ALK: variants seen among roughly 807,000 people sequenced by gnomAD.
ALK encodes ALK tyrosine kinase receptor.
Under a neutral mutation model 163.1 loss-of-function variants are expected in ALK, and 74 were observed. The observed-to-expected ratio is 0.45, with a 90% CI of 0.38 to 0.55. ALK has a LOEUF of 0.55. Ranked by LOEUF, ALK falls within the 20% of genes least tolerant of loss-of-function variation. The probability of loss-of-function intolerance (pLI) is 0.00; values close to 1 mark genes in which losing one functional copy is unlikely to be tolerated. For synonymous variants in ALK, 960 were observed against 843.2 expected (o/e 1.14, Z -2.40); for missense variants, 2,063 against 2,105.3 (o/e 0.98, Z 0.39).
chr2:29,884,462 G>GT (rs1666940977), intron 1 of ALK, among the ~76,000 whole-genome samples: 1 of 151,774 alleles, frequency 6.6e-6, no homozygotes, highest in African/African-American at 2.4e-5. Flanking sequence ...AAAGACCATT[G>GT]TAAAAAAAAA....
intron 3 of ALK, among the ~76,000 whole-genome samples, chr2:29,605,096 CCCTA>C (rs1196401150): frequency 1.3e-5 from 2 of 152,140 alleles, no homozygotes; most frequent in African/African-American, 4.8e-5. Context: ...GTCAGTAGTC[CCCTA>C]CCTTTTTGGC....
chr2:29,224,524 C>G (rs1460865522), intron 19 of ALK: 1 of 229,414 alleles, frequency 4.4e-6, no homozygotes, highest in African/African-American at 2.2e-5. Context: ...GGAAGGCAAA[C>G]TCCATGGAAG....
At chr2:29,725,242 T>C (rs537120065) in intron 1 of ALK, among the ~76,000 whole-genome samples, 1 of 151,354 alleles carries the variant, frequency 6.6e-6, no homozygotes, top group Non-Finnish European at 1.5e-5. Flanking sequence ...CTCTGGCCAC[T>C]GTTTGCCTTT....
intron 3 of ALK, among the ~76,000 whole-genome samples, chr2:29,667,115 C>T (rs557082752): frequency 6.6e-6 from 1 of 152,104 alleles, no homozygotes; most frequent in Non-Finnish European, 1.5e-5. Flanking sequence ...CATATTTTGA[C>T]TATTGTGAAT....
intron 1 of ALK, among the ~76,000 whole-genome samples, chr2:29,804,052 G>T (rs942632982): frequency 5.3e-5 from 8 of 152,322 alleles, no homozygotes; most frequent in Admixed American, 1.3e-4. Context: ...AGACAATTAG[G>T]CAATACTCAG....
chr2:29,507,972 T>G (rs910663102), intron 4 of ALK, among the ~76,000 whole-genome samples: 1 of 152,170 alleles, frequency 6.6e-6, no homozygotes, highest in African/African-American at 2.4e-5. Context: ...ACTGTATGTT[T>G]TATTGGACAT....
At chr2:29,820,127 A>G (rs556216111) in intron 1 of ALK, among the ~76,000 whole-genome samples, 1 of 152,312 alleles carries the variant, frequency 6.6e-6, no homozygotes, top group African/African-American at 2.4e-5. Flanking sequence ...TGAATAGAAT[A>G]TGGTGTCAGT....
Position 29,468,791 on chromosome 2 carries a change from C to T in ALK, c.1154+63124G>A, listed in dbSNP as rs140921637. Among the ~76,000 whole-genome samples, 8 of 131,958 alleles carry T rather than the reference C, an allele frequency of 6.1e-5. No homozygotes were observed. The East Asian group carries it at 2.0e-3, about 33-fold the overall frequency. 86.6% of individuals were successfully genotyped at this position (131,958 alleles called of 152,430 possible). A position where few individuals can be genotyped will look rare whatever the true frequency, so the allele number is the denominator to read the frequency against. ...CTGGCTTGAGCCTGGGAGGTTGAGG[C>T]TGCAGTAAGCTATGATCACACCACT... On this transcript the variant is annotated intron_variant, in intron 4 of 28. Coordinates refer to ENST00000389048, the MANE Select transcript of ALK (RefSeq NM_004304.5).
At chr2:29,601,513 G>A (rs953004056) in intron 3 of ALK, among the ~76,000 whole-genome samples, 1 of 152,006 alleles carries the variant, frequency 6.6e-6, no homozygotes, top group Non-Finnish European at 1.5e-5. Context: ...ACTGTGGCCT[G>A]GATACTAACG....
chr2:29,577,618 C>T (rs978003090), intron 3 of ALK, among the ~76,000 whole-genome samples: 1 of 150,074 alleles, frequency 6.7e-6, no homozygotes, highest in Non-Finnish European at 1.5e-5. Context: ...CAGTTCTAGG[C>T]ATCACTGCCC....
rs148659176 is a variant in ALK, at chr2:29,517,428, G to T, written c.1154+14487C>A. Among the ~76,000 whole-genome samples, 787 of 152,224 alleles carry T rather than the reference G, an allele frequency of 5.2e-3. 10 individuals are homozygous for T. Among genetic ancestry groups the T allele is most frequent in the African/African-American group, 0.017 (705 of 41,524 alleles). On this transcript the variant is annotated intron_variant, in intron 4 of 28. Transcript: ENST00000389048. Reference sequence around the variant, plus strand: ...CAAGCAGCTTTTACTGGGGCACTGTGCTAAGAGCTTTCATCCACATTAAAT... The same window carrying T: ...CAAGCAGCTTTTACTGGGGCACTGTTCTAAGAGCTTTCATCCACATTAAAT...
At chr2:29,355,009 A>G (rs1012900299) in intron 5 of ALK, among the ~76,000 whole-genome samples, 2 of 151,844 alleles carry the variant, frequency 1.3e-5, no homozygotes, top group Non-Finnish European at 2.9e-5. Context: ...CTCGTGATCC[A>G]CCTGTCTCGG....
intron 1 of ALK, among the ~76,000 whole-genome samples, chr2:29,797,316 A>C (rs537040017): frequency 9.2e-5 from 14 of 152,268 alleles, no homozygotes; most frequent in African/African-American, 3.4e-4. Context: ...TTCCTCCACC[A>C]AAAATGCTCA....
At chr2:29,726,043 C>T (rs1246163216) in intron 1 of ALK, among the ~76,000 whole-genome samples, 1 of 152,162 alleles carries the variant, frequency 6.6e-6, no homozygotes, top group Non-Finnish European at 1.5e-5. Context: ...ACCTAACTGG[C>T]CAAGGTGGAC....
chr2:29,602,120 T>A (rs915664985), intron 3 of ALK, among the ~76,000 whole-genome samples: 13 of 152,162 alleles, frequency 8.5e-5, no homozygotes, highest in Non-Finnish European at 1.2e-4. Context: ...TCGATATGAA[T>A]CATATATTTT....
chr2:29,834,028 G>GA (rs1558510383), intron 1 of ALK, among the ~76,000 whole-genome samples: 2 of 152,080 alleles, frequency 1.3e-5, no homozygotes, highest in East Asian at 1.9e-4. Flanking sequence ...TGGTTGGGCA[G>GA]AAAAAATGGG....
At chr2:29,322,588 C>A (rs1183668311) in intron 6 of ALK, among the ~76,000 whole-genome samples, 1 of 152,232 alleles carries the variant, frequency 6.6e-6, no homozygotes. Context: ...AATCCCAGCA[C>A]TTTGGGAGGC....
intron 2 of ALK, among the ~76,000 whole-genome samples, chr2:29,709,241 T>C (rs563576914): frequency 2.2e-4 from 33 of 152,290 alleles, no homozygotes; most frequent in Non-Finnish European, 4.7e-4. Context: ...TCAACCAAAT[T>C]AAGTCCAGCT....
chr2:29,840,060 G>A (rs1041228193), intron 1 of ALK, among the ~76,000 whole-genome samples: 19 of 152,158 alleles, frequency 1.2e-4, no homozygotes, highest in African/African-American at 4.3e-4. Context: ...ACAGTGCAAA[G>A]CTGTCTAAAT....
Sources: allele counts gnomAD v4.1 joint callset (sites outside exome capture counted in the v4.1 genomes callset), GRCh38; gene constraint gnomAD v4.1.1; transcripts MANE v1.5; gene names NCBI Gene and HGNC (gene_info 2026-07-23, HGNC 2026-07-21).